SMARCAD1: variants seen among roughly 807,000 people sequenced by gnomAD.
SMARCAD1 encodes the protein SNF2 related chromatin remodeling ATPase with DExD box 1, also known as SWI/SNF-related matrix-associated actin-dependent regulator of chromatin subfamily A containing DEAD/H box 1.
SMARCAD1 carries 25 observed loss-of-function variants against 127.1 expected under a neutral mutation model. That is an observed-to-expected ratio of 0.20 (90% CI 0.14 to 0.27). The LOEUF is 0.27. Ranked by LOEUF, SMARCAD1 falls within the 10% of genes least tolerant of loss-of-function variation. The pLI is 1.00. For synonymous variants in SMARCAD1, 400 were observed against 396.9 expected (o/e 1.01, Z -0.09); for missense variants, 807 against 1,206.0 (o/e 0.67, Z 4.90).
chr4:94,276,048 C>T (rs965623800), intron 14 of SMARCAD1, among the ~76,000 whole-genome samples: 18 of 152,034 alleles, frequency 1.2e-4, no homozygotes, highest in African/African-American at 4.3e-4. Flanking sequence ...CCGCCCGCCT[C>T]GGCCTCCAAA....
At chr4:94,210,273 T>C (rs919543463) in intron 2 of SMARCAD1, among the ~76,000 whole-genome samples, 1 of 152,230 alleles carries the variant, frequency 6.6e-6, no homozygotes, top group Non-Finnish European at 1.5e-5. Flanking sequence ...CTAAGTTTGT[T>C]CTAGGAATGT....
intron 10 of SMARCAD1, among the ~76,000 whole-genome samples, chr4:94,268,027 A>G (rs941211740): frequency 6.6e-6 from 1 of 152,182 alleles, no homozygotes; most frequent in Non-Finnish European, 1.5e-5. Context: ...TTACATGCTG[A>G]GAAAGGATCT....
intron 23 of SMARCAD1, among the ~76,000 whole-genome samples, chr4:94,288,487 T>G (rs1443809809): frequency 6.6e-6 from 1 of 152,178 alleles, no homozygotes; most frequent in African/African-American, 2.4e-5. Context: ...TGGATGAGCT[T>G]GGAAGCAAGG....
At chr4:94,226,929 C>T (rs1274928318) in intron 3 of SMARCAD1, among the ~76,000 whole-genome samples, 1 of 151,352 alleles carries the variant, frequency 6.6e-6, no homozygotes, top group Non-Finnish European at 1.5e-5. Flanking sequence ...CTCTCAGACT[C>T]CTGGCCTCAA....
At chr4:94,240,767 T>G (rs1747457141) in intron 5 of SMARCAD1, 139 bp from the exon 6 acceptor site, 4 of 684,660 alleles carry the variant, frequency 5.8e-6, no homozygotes. Flanking sequence ...TTCAGTCATA[T>G]GTAGAACAAC....
chr4:94,261,157 C>A (rs922391136), intron 9 of SMARCAD1, among the ~76,000 whole-genome samples: 1 of 150,522 alleles, frequency 6.6e-6, no homozygotes, highest in Non-Finnish European at 1.5e-5. Flanking sequence ...AAAAAAGAAA[C>A]CTGTAATTGC....
chr4:94,255,246 TCTTA>T (rs1460005029), intron 9 of SMARCAD1, among the ~76,000 whole-genome samples: 4 of 152,082 alleles, frequency 2.6e-5, no homozygotes, highest in African/African-American at 9.6e-5. Context: ...CATTGTTTAA[TCTTA>T]CTTAGTCTTA....
intron 4 of SMARCAD1, among the ~76,000 whole-genome samples, chr4:94,235,229 C>CTTTTTTTTTTTT (rs35123705): frequency 5.3e-4 from 21 of 39,304 alleles, no homozygotes; most frequent in African/African-American, 2.1e-3. Flanking sequence ...ACCACCAATC[C>CTTTTTTTTTTTT]TTTTTTTTTT....
chr4:94,259,089 G>A (rs1750565370), intron 9 of SMARCAD1, among the ~76,000 whole-genome samples: 1 of 152,138 alleles, frequency 6.6e-6, no homozygotes, highest in South Asian at 2.1e-4. Flanking sequence ...AGCCTCCCTT[G>A]TGATCGTTTG....
rs1753414525 is a variant in SMARCAD1 at position 94,277,085 on chromosome 4, C to T, written c.2008C>T (p.Leu670=). 1.2e-6 allele frequency: 2 copies of T among 1,614,032 alleles called. No homozygotes were observed. Among genetic ancestry groups the T allele is most frequent in the Non-Finnish European group, 1.7e-6 (2 of 1,179,952 alleles). The change falls in exon 16 of 24, where the codon CTG becomes TTG. Residue 670 remains leucine (L), a synonymous_variant. Coordinates refer to ENST00000354268, the MANE Select transcript of SMARCAD1 (RefSeq NM_020159.5). The part of the protein sequence containing the change: ...VQNNLLELMS[L]LNFVMPHMFS... Reference sequence around the variant, plus strand: ...GAACAATCTGTTAGAACTCATGTCGCTGTTGAATTTTGTTATGCCACACAT... The same window carrying T: ...GAACAATCTGTTAGAACTCATGTCGTTGTTGAATTTTGTTATGCCACACAT...
chr4:94,216,119 T>G (rs985486602), intron 2 of SMARCAD1, among the ~76,000 whole-genome samples: 1 of 152,166 alleles, frequency 6.6e-6, no homozygotes, highest in Non-Finnish European at 1.5e-5. Context: ...TAACCCCATG[T>G]GGCTGAATGA....
At chr4:94,246,426 A>G (rs550448995) in intron 6 of SMARCAD1, among the ~76,000 whole-genome samples, 27 of 152,232 alleles carry the variant, frequency 1.8e-4, no homozygotes, top group African/African-American at 6.5e-4. Context: ...GCCATAACTG[A>G]CAATCTTAAG....
At chr4:94,251,663 T>C (rs1489614325) in intron 8 of SMARCAD1, among the ~76,000 whole-genome samples, 3 of 152,168 alleles carry the variant, frequency 2.0e-5, no homozygotes, top group Non-Finnish European at 4.4e-5. Context: ...TCTGTGTAAG[T>C]CTAATAGCTT....
At chr4:94,279,979 C>G (rs922861053) in intron 19 of SMARCAD1, among the ~76,000 whole-genome samples, 1 of 152,058 alleles carries the variant, frequency 6.6e-6, no homozygotes, top group Non-Finnish European at 1.5e-5. Context: ...ATTGTCCTGC[C>G]TCAGCATCCT....
chr4:94,208,180 C>CG (rs1458856151), intron 1 of SMARCAD1, 110 bp downstream of exon 1: 4 of 695,122 alleles, frequency 5.8e-6, no homozygotes, highest in Non-Finnish European at 1.0e-5. Flanking sequence ...AAGATACCCC[C>CG]GTCCACCTTC....
At chr4:94,247,277 A>T (rs1416129853) in intron 6 of SMARCAD1, among the ~76,000 whole-genome samples, 1 of 152,204 alleles carries the variant, frequency 6.6e-6, no homozygotes, top group East Asian at 1.9e-4. Context: ...AAAAATAAGC[A>T]CTGGGTCGAA....
chr4:94,243,851 C>T (rs1390866210), intron 6 of SMARCAD1, among the ~76,000 whole-genome samples: 1 of 152,190 alleles, frequency 6.6e-6, no homozygotes, highest in Non-Finnish European at 1.5e-5. Context: ...ACTCATTCAA[C>T]ATCTCAAACC....
intron 3 of SMARCAD1, among the ~76,000 whole-genome samples, chr4:94,227,049 C>CAATTGAGAAGACAGTGCTT (rs1323662639): frequency 6.6e-6 from 1 of 151,908 alleles, no homozygotes; most frequent in African/African-American, 2.4e-5. Context: ...AGAAAAGCCT[C>CAATTGAGAAGACAGTGCTT]AATTGAGAAG....
intron 9 of SMARCAD1, chr4:94,253,253 C>T (rs1749547109): frequency 6.8e-7 from 1 of 1,477,780 alleles, no homozygotes; most frequent in African/African-American, 1.4e-5. Context: ...TACTGTCACT[C>T]ATTCCTTTGC....
Sources: allele counts gnomAD v4.1 joint callset (sites outside exome capture counted in the v4.1 genomes callset), GRCh38; gene constraint gnomAD v4.1.1; transcripts MANE v1.5; gene names NCBI Gene and HGNC (gene_info 2026-07-23, HGNC 2026-07-21).